Variants in PREX1 observed in about 807,000 individuals in gnomAD.
The protein encoded by PREX1 is phosphatidylinositol-3,4,5-trisphosphate dependent Rac exchange factor 1, also known as phosphatidylinositol 3,4,5-trisphosphate-dependent Rac exchanger 1 protein.
In PREX1, 41 loss-of-function variants were observed where a neutral mutation model predicts 198.3. That is an observed-to-expected ratio of 0.21 (90% confidence interval 0.16 to 0.27). The LOEUF is 0.27. Ranked by LOEUF, PREX1 falls within the 10% of genes least tolerant of loss-of-function variation. The pLI, the probability that PREX1 is intolerant of heterozygous loss-of-function variation, is 1.00. For synonymous variants in PREX1, 843 were observed against 887.2 expected, an observed-to-expected ratio of 0.95 and a Z score of 0.89; for missense variants, 1,620 against 2,200.7, an observed-to-expected ratio of 0.74 and a Z score of 5.28.
chr20:48,792,543 A>T (rs2090343125), intron 1 of PREX1, among the ~76,000 whole-genome samples: 1 of 152,148 alleles, frequency 6.6e-6, no homozygotes, highest in Admixed American at 6.5e-5. Flanking sequence ...GTACTTTATG[A>T]ACTCACTCAA....
rs965306925 is a variant in PREX1, at chr20:48,763,321, A to C, written c.220-15441T>G. Among the ~76,000 whole-genome samples the C allele has an allele frequency of 2.6e-5, 4 of 152,340 alleles. No homozygotes were observed. The East Asian group carries it at 7.7e-4, about 29-fold the overall frequency. On this transcript the variant is annotated intron_variant, in intron 1 of 39. Transcript: ENST00000371941. Reference sequence around the variant, plus strand: ...CGTGTGGCTGGAAGGAAAAGCCTCAAGTGACGGAGACAGTGGTGGCTGGGA... The same window carrying C: ...CGTGTGGCTGGAAGGAAAAGCCTCACGTGACGGAGACAGTGGTGGCTGGGA...
intron 13 of PREX1, among the ~76,000 whole-genome samples, chr20:48,678,478 A>AG (rs1455158262): frequency 3.1e-4 from 41 of 133,018 alleles, no homozygotes; most frequent in Non-Finnish European, 3.1e-5. Context: ...TCAAAAAAAA[A>AG]AAAGAAGAAG....
chr20:48,727,260 A>G (rs1601099603), intron 4 of PREX1, among the ~76,000 whole-genome samples: 1 of 152,144 alleles, frequency 6.6e-6, no homozygotes, highest in Non-Finnish European at 1.5e-5. Context: ...GCATACCTCT[A>G]TTTTGGCTTG....
At chr20:48,638,940 T>G (rs1409108430) in intron 30 of PREX1, among the ~76,000 whole-genome samples, 2 of 152,206 alleles carry the variant, frequency 1.3e-5, no homozygotes, top group Non-Finnish European at 2.9e-5. Context: ...GTTACACTTT[T>G]GGAGAACAGG....
At chr20:48,705,936 A>T (rs1289441538) in intron 6 of PREX1, among the ~76,000 whole-genome samples, 2 of 152,204 alleles carry the variant, frequency 1.3e-5, no homozygotes, top group Non-Finnish European at 2.9e-5. Context: ...GCAGTCTATA[A>T]GTTACAGGGC....
chr20:48,778,705 C>G (rs1473636809), intron 1 of PREX1, among the ~76,000 whole-genome samples: 1 of 152,156 alleles, frequency 6.6e-6, no homozygotes, highest in African/African-American at 2.4e-5. Context: ...TTGACCCACA[C>G]AAATATGGCC....
At chr20:48,745,292 GA>G (rs1269167412) in intron 2 of PREX1, 145 bp from the exon 3 acceptor site, 1 of 823,958 alleles carries the variant, frequency 1.2e-6, no homozygotes, top group Non-Finnish European at 1.8e-6. Context: ...ACCACTAATA[GA>G]AATCTTTGTA....
chr20:48,672,064 A>G (rs2089678889), intron 14 of PREX1, among the ~76,000 whole-genome samples: 1 of 152,200 alleles, frequency 6.6e-6, no homozygotes, highest in African/African-American at 2.4e-5. Flanking sequence ...CTCGGCCAGC[A>G]CTGGCCACGA....
chr20:48,787,085 C>T (rs1012307535), intron 1 of PREX1, among the ~76,000 whole-genome samples: 3 of 152,066 alleles, frequency 2.0e-5, no homozygotes, highest in African/African-American at 7.2e-5. Context: ...TAGAAACGTC[C>T]AGCAAAGGCT....
chr20:48,776,326 A>G (rs1319477325), intron 1 of PREX1, among the ~76,000 whole-genome samples: 1 of 152,160 alleles, frequency 6.6e-6, no homozygotes, highest in Admixed American at 6.5e-5. Flanking sequence ...CTAAAGTCCA[A>G]TGTCCCCCAT....
chr20:48,844,745 A>G, the PREX1 span, among the ~76,000 whole-genome samples: 3 of 152,172 alleles, frequency 2.0e-5, no homozygotes, highest in African/African-American at 7.2e-5. Flanking sequence ...GCTGCTCTTG[A>G]GCCGAATTAC....
At chr20:48,694,072 C>A (rs370171950) in intron 7 of PREX1, among the ~76,000 whole-genome samples, 27 of 152,004 alleles carry the variant, frequency 1.8e-4, no homozygotes, top group African/African-American at 6.3e-4. Context: ...CCACCATGGC[C>A]GGGTAATTTT....
chr20:48,849,952 A>G, the PREX1 span, among the ~76,000 whole-genome samples: 2 of 152,204 alleles, frequency 1.3e-5, no homozygotes, highest in Non-Finnish European at 2.9e-5. Flanking sequence ...GGTTCATATC[A>G]TGACCACCAC....
Position 48,827,968 on chromosome 20 carries a change from C to T in PREX1, c.-108G>A. The T allele has an allele frequency of 1.9e-5, 6 of 317,210 alleles. No individual in the cohort carries two copies. The highest frequency in any genetic ancestry group is 2.7e-5 in the Non-Finnish European group (6 of 222,974). The allele number at this position is 317,210 out of a possible 1,614,324, so 19.6% of individuals were successfully genotyped here. On this transcript the variant is annotated 5_prime_UTR_variant, in exon 1 of 40. Coordinates refer to ENST00000371941, the MANE Select transcript of PREX1 (RefSeq NM_020820.4). This position sits in a 1 kb window ranked among gnomAD's most constrained non-coding sequence, Gnocchi z 4.1. ...CGCGCCGGCGGGCCGGGCTCAGCGG[C>T]GGGCCGGGCTCCCGGCGCGGCGGGC... is the stretch of plus-strand genomic sequence containing the variant.
At chr20:48,648,827 C>T (rs1203425438) in intron 25 of PREX1, among the ~76,000 whole-genome samples, 1 of 152,192 alleles carries the variant, frequency 6.6e-6, no homozygotes, top group Non-Finnish European at 1.5e-5. Flanking sequence ...AGTAAGGAGA[C>T]CTTGAACCTT....
chr20:48,759,278 G>A (rs553009364), intron 1 of PREX1, among the ~76,000 whole-genome samples: 8 of 152,084 alleles, frequency 5.3e-5, no homozygotes, highest in South Asian at 2.1e-4. Flanking sequence ...GGCCAGGCGC[G>A]GTAGCTCACG....
At chr20:48,683,520 G>T (rs1215490147) in intron 10 of PREX1, among the ~76,000 whole-genome samples, 1 of 152,220 alleles carries the variant, frequency 6.6e-6, no homozygotes, top group Non-Finnish European at 1.5e-5. Context: ...GAGCTGGGAT[G>T]CAGTATGCAA....
chr20:48,873,734 A>G, the PREX1 span, among the ~76,000 whole-genome samples: 6 of 152,024 alleles, frequency 3.9e-5, no homozygotes, highest in South Asian at 8.3e-4. Context: ...AAAAATAAAT[A>G]AATAAAAATT....
intron 1 of PREX1, among the ~76,000 whole-genome samples, chr20:48,753,841 G>A (rs911388914): frequency 7.9e-5 from 12 of 152,212 alleles, no homozygotes; most frequent in African/African-American, 2.4e-5. Context: ...CCATATAAGA[G>A]AGGATCTCAC....
Sources: gnomAD v4.1 joint callset for allele counts (sites outside exome capture counted in the v4.1 genomes callset) on GRCh38, gnomAD v4.1.1 for gene constraint, Gnocchi (gnomAD v3.1) non-coding constraint, MANE v1.5 for transcripts, NCBI Gene and HGNC (gene_info 2026-07-23, HGNC 2026-07-21) for gene names.